MTOR: variants seen among roughly 807,000 people sequenced by gnomAD.
MTOR encodes the protein serine/threonine-protein kinase mTOR.
MTOR carries 70 observed loss-of-function variants against 319.8 expected under a neutral mutation model. That is an observed-to-expected ratio of 0.22 (90% confidence interval 0.18 to 0.27). The LOEUF (loss-of-function observed/expected upper bound fraction) is 0.27. Ranked by LOEUF, MTOR falls within the 10% of genes least tolerant of loss-of-function variation. The pLI, the probability that MTOR is intolerant of heterozygous loss-of-function variation, is 1.00. For synonymous variants in MTOR, 1,183 were observed against 1,211.4 expected (o/e 0.98, Z 0.49); for missense variants, 1,890 against 3,274.4 (o/e 0.58, Z 10.32).
At chr1:11,154,639 A>G in intron 30 of MTOR, among the ~76,000 whole-genome samples, 1 of 152,218 alleles carries the variant, frequency 6.6e-6, no homozygotes, top group South Asian at 2.1e-4. Flanking sequence ...ATATTAAGAA[A>G]TAACAGCCAA....
At chr1:11,216,854 A>G (rs1646488688) in intron 19 of MTOR, among the ~76,000 whole-genome samples, 1 of 152,174 alleles carries the variant, frequency 6.6e-6, no homozygotes, top group Non-Finnish European at 1.5e-5. Flanking sequence ...TCTAAGGCTT[A>G]AATGGGATAA....
At chr1:11,151,253 C>T (rs190849346) in intron 30 of MTOR, among the ~76,000 whole-genome samples, 141 of 152,238 alleles carry the variant, frequency 9.3e-4, no homozygotes, top group Non-Finnish European at 1.6e-3. Flanking sequence ...TATCCAGCAT[C>T]GCAGTACAGC....
intron 3 of MTOR, among the ~76,000 whole-genome samples, chr1:11,258,222 T>C (rs1316478495): frequency 6.6e-6 from 1 of 151,890 alleles, no homozygotes; most frequent in East Asian, 1.9e-4. Flanking sequence ...CAAAAGGCAA[T>C]ATGAAGGAGT....
intron 28 of MTOR, among the ~76,000 whole-genome samples, chr1:11,182,181 C>T (rs184674668): frequency 3.3e-5 from 5 of 151,028 alleles, no homozygotes; most frequent in East Asian, 2.0e-4. Flanking sequence ...TGCGCCACTG[C>T]GCTCCAGCCT....
intron 31 of MTOR, among the ~76,000 whole-genome samples, chr1:11,148,846 C>T (rs1200979660): frequency 6.6e-6 from 1 of 151,516 alleles, no homozygotes; most frequent in Non-Finnish European, 1.5e-5. Flanking sequence ...TGCAGTGAGC[C>T]GAGATCGTGC....
At chr1:11,260,997 G>C (rs1651046847) in intron 1 of MTOR, among the ~76,000 whole-genome samples, 1 of 151,246 alleles carries the variant, frequency 6.6e-6, no homozygotes, top group South Asian at 2.1e-4. Context: ...TTATTATGTT[G>C]GCCAGGCTGG....
chr1:11,126,516 G>C (rs1008188754), intron 46 of MTOR, 106 bp downstream of exon 46: 2 of 1,263,988 alleles, frequency 1.6e-6, no homozygotes, highest in Non-Finnish European at 2.2e-6. Flanking sequence ...ATGTAGCTAT[G>C]ATAGGTGAGT....
intron 25 of MTOR, among the ~76,000 whole-genome samples, chr1:11,206,975 C>T (rs1335210969): frequency 6.6e-6 from 1 of 152,172 alleles, no homozygotes; most frequent in Non-Finnish European, 1.5e-5. Context: ...AAAATGGTGA[C>T]TGAGGTGGCA....
intron 28 of MTOR, among the ~76,000 whole-genome samples, chr1:11,181,760 T>G (rs1331286854): frequency 1.3e-5 from 2 of 152,228 alleles, no homozygotes; most frequent in African/African-American, 4.8e-5. Context: ...GAAGAGAACC[T>G]TCTCTTTGAA....
intron 49 of MTOR, among the ~76,000 whole-genome samples, chr1:11,118,682 C>T (rs1470433885): frequency 4.8e-5 from 7 of 146,154 alleles, no homozygotes; most frequent in African/African-American, 1.8e-4. Flanking sequence ...ACAGATTGTG[C>T]AGTGGCACAA....
chr1:11,193,428 GGGCAGCATCACT>G, intron 28 of MTOR: 1 of 669,834 alleles, frequency 1.5e-6, no homozygotes, highest in Non-Finnish European at 2.4e-6. Context: ...ACCAGCAGTG[GGGCAGCATCACT>G]GCCCGAGTGA....
intron 28 of MTOR, among the ~76,000 whole-genome samples, chr1:11,172,924 G>A (rs1022504968): frequency 1.3e-5 from 2 of 150,094 alleles, no homozygotes; most frequent in South Asian, 2.1e-4. Flanking sequence ...CTCTCGCTCT[G>A]AGAAATTAAT....
chr1:11,148,540 G>T (rs935842511), intron 31 of MTOR, among the ~76,000 whole-genome samples: 1 of 152,056 alleles, frequency 6.6e-6, no homozygotes, highest in Non-Finnish European at 1.5e-5. Flanking sequence ...TTATAGAGAT[G>T]ACTTTATGAC....
rs116908755 is a variant in MTOR at position 11,121,108 on chromosome 1, G to C, written c.6933+138C>G. On this transcript the variant is annotated intron_variant, in intron 49 of 57. Transcript: ENST00000361445. The surrounding 1 kb of genome is among the most constrained non-coding windows in gnomAD (Gnocchi z 4.9). ...TGTCTTGCTCACCCATTTCATTTTT[G>C]TTAGAAAAGTCTGGACACGCTCTAC... is the stretch of plus-strand genomic sequence containing the variant. 1 of 1,159,220 alleles carries C rather than the reference G, an allele frequency of 8.6e-7. No individual in the cohort carries two copies. The highest frequency in any genetic ancestry group is 1.7e-5 in the South Asian group (1 of 58,810). The allele number at this position is 1,159,220 out of a possible 1,614,324, so 71.8% of individuals were successfully genotyped here. A position where few individuals can be genotyped will look rare whatever the true frequency, so the allele number is the denominator to read the frequency against.
intron 28 of MTOR, among the ~76,000 whole-genome samples, chr1:11,169,205 A>C (rs1432440529): frequency 6.6e-6 from 1 of 152,262 alleles, no homozygotes; most frequent in Non-Finnish European, 1.5e-5. Context: ...AAATCTAAAG[A>C]AGCTAACATT....
At chr1:11,223,320 G>A (rs1170581104) in intron 19 of MTOR, among the ~76,000 whole-genome samples, 2 of 102,084 alleles carry the variant, frequency 2.0e-5, no homozygotes, top group Non-Finnish European at 2.7e-5. Context: ...GACATCTGAA[G>A]AAGGGTTGGT....
chr1:11,172,285 C>T (rs956892638), intron 28 of MTOR, among the ~76,000 whole-genome samples: 61 of 152,074 alleles, frequency 4.0e-4, no homozygotes, highest in African/African-American at 1.4e-3. Flanking sequence ...TGGCTGGGCG[C>T]GGTGGCTCAC....
chr1:11,255,870 T>G, intron 5 of MTOR, 122 bp downstream of exon 5: 1 of 860,432 alleles, frequency 1.2e-6, no homozygotes, highest in South Asian at 2.2e-5. Context: ...AAAAAATTCA[T>G]TTGAGAGCAA....
In MTOR at chr1:11,128,341, A is replaced by G; in HGVS notation, c.5910+113T>C. 1 of 1,283,306 alleles carries G rather than the reference A, an allele frequency of 7.8e-7. No individual in the cohort carries two copies. Among genetic ancestry groups the G allele is most frequent in the Non-Finnish European group, 1.1e-6 (1 of 903,994 alleles). The allele number at this position is 1,283,306 out of a possible 1,614,324, so 79.5% of individuals were successfully genotyped here. A position where few individuals can be genotyped will look rare whatever the true frequency, so the allele number is the denominator to read the frequency against. ...CTGGCTGGACAGACCCTCCTGGGCC[A>G]GGATGGAACACATGGCTCCCAGTTC... On this transcript the variant is annotated intron_variant, in intron 42 of 57. Coordinates refer to ENST00000361445, the MANE Select transcript of MTOR (RefSeq NM_004958.4). The surrounding 1 kb of genome is among the most constrained non-coding windows in gnomAD (Gnocchi z 5.3).
Sources: allele counts gnomAD v4.1 joint callset (sites outside exome capture counted in the v4.1 genomes callset), GRCh38; gene constraint gnomAD v4.1.1; non-coding constraint Gnocchi (gnomAD v3.1); transcripts MANE v1.5; gene names NCBI Gene and HGNC (gene_info 2026-07-23, HGNC 2026-07-21).